The following CORO2B variants were observed in gnomAD, a reference collection of about 807,000 sequenced individuals.
CORO2B encodes the protein coronin 2B.
CORO2B carries 26 observed loss-of-function variants against 58.8 expected under a neutral mutation model. That is an observed-to-expected ratio of 0.44 (90% confidence interval 0.32 to 0.61). The LOEUF (loss-of-function observed/expected upper bound fraction) is 0.61. Among genes scored for constraint, CORO2B ranks in the 20% least tolerant of loss-of-function variants. The probability of loss-of-function intolerance (pLI) is 0.04; values close to 1 mark genes in which losing one functional copy is unlikely to be tolerated. For synonymous variants in CORO2B, 242 were observed against 253.8 expected, an observed-to-expected ratio of 0.95 and a Z score of 0.44; for missense variants, 460 against 645.1, an observed-to-expected ratio of 0.71 and a Z score of 3.11.
intron 1 of CORO2B, among the ~76,000 whole-genome samples, chr15:68,644,562 C>T (rs1901360527): frequency 6.6e-6 from 1 of 152,126 alleles, no homozygotes; most frequent in Non-Finnish European, 1.5e-5. Flanking sequence ...GTCACTTAAC[C>T]TCTCTGTGCC....
chr15:68,713,474 G>A (rs1039201629), intron 5 of CORO2B, among the ~76,000 whole-genome samples: 12 of 152,184 alleles, frequency 7.9e-5, no homozygotes, highest in African/African-American at 1.9e-4. Flanking sequence ...CTAGGTGGCT[G>A]AAAACAACAG....
At position 68,579,228 on chromosome 15, in the gene CORO2B, G is replaced by A; in HGVS notation, c.-35G>A. 1.8e-6 allele frequency: 2 copies of A among 1,102,862 alleles called. No individual in the cohort carries two copies. Among genetic ancestry groups the A allele is most frequent in the Non-Finnish European group, 2.2e-6 (2 of 907,818 alleles). The allele number at this position is 1,102,862 out of a possible 1,614,324, so 68.3% of individuals were successfully genotyped here. On this transcript the variant is annotated 5_prime_UTR_variant, in exon 1 of 12. Coordinates refer to ENST00000261861, the MANE Select transcript of CORO2B (RefSeq NM_006091.5). The stretch of plus-strand genomic sequence containing the variant: ...GCCGCCGCCGCCGCCCCCGCACGCC[G>A]CGCCCGCGCCCCCGCTCCGCCGCGG...
In CORO2B at chr15:68,618,779, G is replaced by T. The variant is rs573592455; in HGVS notation, c.16-26381G>T. Among the ~76,000 whole-genome samples, 6 of 152,310 alleles carry T rather than the reference G, an allele frequency of 3.9e-5. 1 individual carries two copies. In the South Asian group the frequency reaches 1.0e-3, roughly 26 times the overall value. The stretch of plus-strand genomic sequence containing the variant: ...TGGTAGAGCCAGGATTTGAATTCAG[G>T]CAGTTACATTGTGATCTAAATATGA... On this transcript the variant is annotated intron_variant, in intron 1 of 11. Coordinates refer to ENST00000261861, the MANE Select transcript of CORO2B (RefSeq NM_006091.5).
the CORO2B span, among the ~76,000 whole-genome samples, chr15:68,534,441 A>G: frequency 6.6e-6 from 1 of 152,248 alleles, no homozygotes; most frequent in African/African-American, 2.4e-5. Context: ...ATAGTGTTTT[A>G]TCTCCAGATC....
chr15:68,587,617 C>T (rs1001282152), intron 1 of CORO2B, among the ~76,000 whole-genome samples: 1 of 152,212 alleles, frequency 6.6e-6, no homozygotes, highest in African/African-American at 2.4e-5. Context: ...AAGGGACCAA[C>T]AGACAATAAC....
intron 1 of CORO2B, among the ~76,000 whole-genome samples, chr15:68,626,627 C>T (rs936258602): frequency 2.6e-5 from 4 of 152,158 alleles, no homozygotes; most frequent in African/African-American, 9.7e-5. Context: ...AGAGTCTTCC[C>T]GGGAATCACT....
chr15:68,681,128 G>A (rs745770183), intron 2 of CORO2B, among the ~76,000 whole-genome samples: 4 of 103,766 alleles, frequency 3.9e-5, no homozygotes, highest in Non-Finnish European at 7.7e-5. Context: ...CAGGAGAATC[G>A]CTTGAACCCA....
Position 68,726,180 on chromosome 15 carries a change from C to A in CORO2B, c.*206C>A. The A allele has an allele frequency of 1.7e-6, 1 of 602,694 alleles. No homozygotes were observed. Among genetic ancestry groups the A allele is most frequent in the Non-Finnish European group, 2.8e-6 (1 of 362,168 alleles). 37.3% of individuals were successfully genotyped at this position (602,694 alleles called of 1,614,324 possible). On this transcript the variant is annotated 3_prime_UTR_variant, in exon 12 of 12. Coordinates refer to ENST00000261861, the MANE Select transcript of CORO2B (RefSeq NM_006091.5). ...AAAAGTCCCCAGCTTCTGGAGACCC[C>A]CTGCCGGCAGCCCCTTTCCCTGCCA... is the stretch of plus-strand genomic sequence containing the variant.
chr15:68,559,909 A>C, the CORO2B span, among the ~76,000 whole-genome samples: 1 of 152,236 alleles, frequency 6.6e-6, no homozygotes, highest in Non-Finnish European at 1.5e-5. The surrounding 1 kb of genome is among the most constrained non-coding windows in gnomAD (Gnocchi z 4.3). Flanking sequence ...GTCCTCTGGT[A>C]AGCAGACGCT....
intron 1 of CORO2B, among the ~76,000 whole-genome samples, chr15:68,580,055 A>G (rs1439524834): frequency 6.6e-6 from 1 of 152,246 alleles, no homozygotes; most frequent in African/African-American, 2.4e-5. Context: ...CCTGAGTTCA[A>G]TCCCAGCTCT....
At chr15:68,589,999 G>A (rs1029107133) in intron 1 of CORO2B, among the ~76,000 whole-genome samples, 7 of 152,246 alleles carry the variant, frequency 4.6e-5, no homozygotes, top group Non-Finnish European at 7.4e-5. Flanking sequence ...GAAGCTGGCC[G>A]TCCTGGCACA....
At chr15:68,535,244 C>A in the CORO2B span, among the ~76,000 whole-genome samples, 4 of 152,178 alleles carry the variant, frequency 2.6e-5, no homozygotes, top group Admixed American at 2.6e-4. Context: ...ATAAAAGAAA[C>A]CCTTATCCTA....
intron 1 of CORO2B, among the ~76,000 whole-genome samples, chr15:68,642,742 G>A (rs1434976945): frequency 6.6e-6 from 1 of 152,248 alleles, no homozygotes; most frequent in African/African-American, 2.4e-5. Flanking sequence ...AGCCCAGGGA[G>A]AGGCGCCGGC....
chr15:68,632,302 C>G, intron 1 of CORO2B: 2 of 985,452 alleles, frequency 2.0e-6, no homozygotes, highest in Non-Finnish European at 2.4e-6. Context: ...AAGTTTGTTT[C>G]CTCTGAAGCT....
At chr15:68,719,111 C>A (rs756299590) in intron 9 of CORO2B, 33 bp from the exon 10 acceptor site, 18 of 1,536,326 alleles carry the variant, frequency 1.2e-5, no homozygotes, top group Middle Eastern at 1.7e-4. Flanking sequence ...AGCAGCCCCC[C>A]ATGTGTCCTC....
the CORO2B span, among the ~76,000 whole-genome samples, chr15:68,531,331 A>C: frequency 2.0e-5 from 1 of 50,534 alleles, no homozygotes; most frequent in Admixed American, 2.5e-4. Context: ...AAATACAAAA[A>C]TACAAAAAAC....
At chr15:68,608,863 C>T (rs1223719758) in intron 1 of CORO2B, among the ~76,000 whole-genome samples, 2 of 152,172 alleles carry the variant, frequency 1.3e-5, no homozygotes, top group Non-Finnish European at 2.9e-5. Context: ...CATTCCCTTC[C>T]ACTGTGTTTG....
intron 3 of CORO2B, among the ~76,000 whole-genome samples, chr15:68,697,748 C>G (rs1892548297): frequency 1.3e-5 from 2 of 152,184 alleles, no homozygotes. Context: ...GGTGCTGGAG[C>G]TGGGGGACAC....
chr15:68,559,696 T>C, the CORO2B span: 1 of 625,708 alleles, frequency 1.6e-6, no homozygotes, highest in Non-Finnish European at 1.9e-6. The surrounding 1 kb of genome is among the most constrained non-coding windows in gnomAD (Gnocchi z 4.3). Flanking sequence ...GGTGCAGTGC[T>C]CTCTGGGGTT....
Sources: gnomAD v4.1 joint callset for allele counts (sites outside exome capture counted in the v4.1 genomes callset) on GRCh38, gnomAD v4.1.1 for gene constraint, Gnocchi (gnomAD v3.1) non-coding constraint, MANE v1.5 for transcripts, NCBI Gene and HGNC (gene_info 2026-07-23, HGNC 2026-07-21) for gene names.